Variants in FSTL5 observed in about 807,000 individuals in gnomAD.
FSTL5 encodes the protein follistatin like 5.
A neutral mutation model predicts 89.1 loss-of-function variants in FSTL5; 62 were observed. The ratio of observed to expected loss-of-function variants is 0.70; its 90% CI spans 0.57 to 0.86. The LOEUF (loss-of-function observed/expected upper bound fraction) is 0.86. Among genes scored for constraint, FSTL5 ranks in the 40% least tolerant of loss-of-function variants. The pLI, the probability that FSTL5 is intolerant of heterozygous loss-of-function variation, is 0.00. For synonymous variants in FSTL5, 383 were observed against 346.2 expected (o/e 1.11, Z -1.18); for missense variants, 1,057 against 1,001.6 (o/e 1.06, Z -0.75).
intron 4 of FSTL5, among the ~76,000 whole-genome samples, chr4:161,909,779 T>A (rs760156461): frequency 2.6e-5 from 4 of 152,088 alleles, no homozygotes; most frequent in African/African-American, 4.8e-5. Flanking sequence ...TTGGGTCTCA[T>A]CCTCTCTACC....
intron 3 of FSTL5, among the ~76,000 whole-genome samples, chr4:161,933,467 A>T (rs1734347076): frequency 6.6e-6 from 1 of 152,134 alleles, no homozygotes; most frequent in African/African-American, 2.4e-5. Context: ...ATGATATGAG[A>T]TAGTTAAAAC....
intron 2 of FSTL5, among the ~76,000 whole-genome samples, chr4:162,070,762 G>C (rs1729585738): frequency 6.6e-6 from 1 of 151,706 alleles, no homozygotes; most frequent in East Asian, 1.9e-4. Flanking sequence ...TGTTCTGAAA[G>C]AAAAAGAAAA....
intron 4 of FSTL5, among the ~76,000 whole-genome samples, chr4:161,853,619 G>A (rs1040725159): frequency 6.0e-5 from 9 of 150,784 alleles, no homozygotes; most frequent in Non-Finnish European, 1.0e-4. Flanking sequence ...TCATTTATTT[G>A]TTGCTTTTTG....
chr4:161,542,399 AT>A (rs914387406), intron 9 of FSTL5, 132 bp downstream of exon 9: 58 of 470,060 alleles, frequency 1.2e-4, no homozygotes, highest in Middle Eastern at 4.8e-4. Flanking sequence ...AGATATGAGC[AT>A]TTTTTTTCAT....
At chr4:161,729,873 G>GA in intron 6 of FSTL5, among the ~76,000 whole-genome samples, 1 of 152,258 alleles carries the variant, frequency 6.6e-6, no homozygotes, top group Non-Finnish European at 1.5e-5. Flanking sequence ...GATTCAAAGA[G>GA]AAAAATTGCA....
rs189412249 is a variant in FSTL5 at position 161,988,689 on chromosome 4, C to G, written c.160+44936G>C. ...TGTTTTATGAGCAAAGAAGTTATTT[C>G]TCACATACTTTAATTTTTCCCTTTT... On this transcript the variant is annotated intron_variant, in intron 3 of 15. Transcript: ENST00000306100. Among the ~76,000 whole-genome samples, 228 of 152,198 alleles carry G rather than the reference C, an allele frequency of 1.5e-3. 1 individual carries two copies. The highest frequency in any genetic ancestry group is 5.1e-3 in the African/African-American group (212 of 41,554).
chr4:161,696,735 G>T (rs1372137646), intron 6 of FSTL5, among the ~76,000 whole-genome samples: 1 of 152,088 alleles, frequency 6.6e-6, no homozygotes, highest in Non-Finnish European at 1.5e-5. Context: ...TTGAGCTCTT[G>T]ATTTGATTCT....
chr4:161,410,956 A>C (rs1731565617), intron 15 of FSTL5, among the ~76,000 whole-genome samples: 2 of 115,364 alleles, frequency 1.7e-5, no homozygotes, highest in Admixed American at 2.0e-4. Flanking sequence ...TTGTTCAAAA[A>C]AAAAAAAATA....
chr4:161,399,342 T>C (rs1731104644), intron 15 of FSTL5, among the ~76,000 whole-genome samples: 1 of 152,136 alleles, frequency 6.6e-6, no homozygotes, highest in African/African-American at 2.4e-5. Context: ...ATTTTGTATG[T>C]TATATAAATT....
At chr4:161,992,052 A>G (rs1259811829) in intron 3 of FSTL5, among the ~76,000 whole-genome samples, 1 of 152,248 alleles carries the variant, frequency 6.6e-6, no homozygotes, top group Non-Finnish European at 1.5e-5. Context: ...TGTGGCAGGA[A>G]AAAAGTGAAG....
At chr4:161,400,767 T>C (rs1211089860) in intron 15 of FSTL5, among the ~76,000 whole-genome samples, 4 of 152,262 alleles carry the variant, frequency 2.6e-5, no homozygotes, top group Middle Eastern at 3.4e-3. Context: ...ATAAAATGCT[T>C]GCAGCTATTA....
intron 4 of FSTL5, among the ~76,000 whole-genome samples, chr4:161,816,697 G>A (rs1012313544): frequency 6.6e-6 from 1 of 152,092 alleles, no homozygotes; most frequent in African/African-American, 2.4e-5. Context: ...AATTAAAAAG[G>A]CAAACAAAGT....
chr4:161,474,805 AAAG>A (rs1251177561), intron 13 of FSTL5, among the ~76,000 whole-genome samples: 2 of 151,820 alleles, frequency 1.3e-5, no homozygotes, highest in Non-Finnish European at 2.9e-5. Flanking sequence ...TCAGCCTCCC[AAAG>A]TGCTGGGATT....
At chr4:161,955,547 C>T (rs1186644307) in intron 3 of FSTL5, among the ~76,000 whole-genome samples, 1 of 151,692 alleles carries the variant, frequency 6.6e-6, no homozygotes, top group Admixed American at 6.6e-5. Flanking sequence ...TTTATCATCT[C>T]CTCATATGTT....
chr4:161,823,907 T>A (rs1314352728), intron 4 of FSTL5, among the ~76,000 whole-genome samples: 1 of 152,252 alleles, frequency 6.6e-6, no homozygotes, highest in Non-Finnish European at 1.5e-5. Flanking sequence ...AGATTCTGGA[T>A]ACTAGTCCTT....
chr4:161,406,088 A>G (rs569315887), intron 15 of FSTL5, among the ~76,000 whole-genome samples: 2 of 152,314 alleles, frequency 1.3e-5, no homozygotes, highest in Non-Finnish European at 2.9e-5. Flanking sequence ...AAAATCCTAT[A>G]AAAACAGAAA....
At chr4:161,827,156 G>A (rs1730693499) in intron 4 of FSTL5, among the ~76,000 whole-genome samples, 1 of 152,166 alleles carries the variant, frequency 6.6e-6, no homozygotes, top group South Asian at 2.1e-4. Context: ...CTCCCTTGAT[G>A]TGGTGTTCTC....
intron 13 of FSTL5, among the ~76,000 whole-genome samples, chr4:161,468,801 T>C (rs1733835251): frequency 6.6e-6 from 1 of 152,166 alleles, no homozygotes; most frequent in Non-Finnish European, 1.5e-5. Flanking sequence ...TGTAAGACTG[T>C]GTGTATACCT....
At chr4:161,938,083 T>A (rs1682709658) in intron 3 of FSTL5, among the ~76,000 whole-genome samples, 1 of 152,120 alleles carries the variant, frequency 6.6e-6, no homozygotes, top group Non-Finnish European at 1.5e-5. Context: ...TTAAAGTAGA[T>A]CCCTTTCACC....
Sources: allele counts gnomAD v4.1 joint callset (sites outside exome capture counted in the v4.1 genomes callset), GRCh38; gene constraint gnomAD v4.1.1; transcripts MANE v1.5; gene names NCBI Gene and HGNC (gene_info 2026-07-23, HGNC 2026-07-21).